The following ZC3H3 variants were observed in gnomAD, a reference collection of about 807,000 sequenced individuals.
ZC3H3 encodes the protein zinc finger CCCH-type containing 3, also known as zinc finger CCCH domain-containing protein 3.
Under a neutral mutation model 77.3 loss-of-function variants are expected in ZC3H3, and 36 were observed. The ratio of observed to expected loss-of-function variants is 0.47; its 90% CI spans 0.36 to 0.61. The LOEUF (loss-of-function observed/expected upper bound fraction) is 0.61. Among genes scored for constraint, ZC3H3 ranks in the 20% least tolerant of loss-of-function variants. The pLI, the probability that ZC3H3 is intolerant of heterozygous loss-of-function variation, is 0.00. For missense variants in ZC3H3, 1,331 were observed against 1,312.2 expected (o/e 1.01, Z -0.22); for synonymous variants, 626 against 555.2 (o/e 1.13, Z -1.79).
chr8:143,444,557 T>C (rs959690644), intron 9 of ZC3H3, among the ~76,000 whole-genome samples: 1 of 152,210 alleles, frequency 6.6e-6, no homozygotes, highest in African/African-American at 2.4e-5. Context: ...CAAGGTTGGT[T>C]TAATATTAGA....
At chr8:143,537,179 G>GA (rs1483581129) in intron 2 of ZC3H3, among the ~76,000 whole-genome samples, 1 of 152,224 alleles carries the variant, frequency 6.6e-6, no homozygotes, top group Non-Finnish European at 1.5e-5. Context: ...ACTGTGCCAT[G>GA]ACACCATCTC....
intron 4 of ZC3H3, among the ~76,000 whole-genome samples, chr8:143,478,282 C>A (rs540808058): frequency 2.5e-4 from 38 of 152,320 alleles, no homozygotes; most frequent in African/African-American, 8.4e-4. Context: ...CAAAGGCACC[C>A]GGATGGAGGG....
intron 11 of ZC3H3, among the ~76,000 whole-genome samples, chr8:143,439,213 G>A (rs1203870600): frequency 1.3e-5 from 2 of 152,198 alleles, no homozygotes; most frequent in African/African-American, 2.4e-5. Context: ...TCGTGGGGCG[G>A]AGGGTCTGGC....
chr8:143,461,307 G>A (rs572742769), intron 9 of ZC3H3, among the ~76,000 whole-genome samples: 15 of 152,270 alleles, frequency 9.9e-5, no homozygotes, highest in African/African-American at 2.4e-4. Flanking sequence ...CCAGGGATAC[G>A]GCACGCCACG....
intron 5 of ZC3H3, among the ~76,000 whole-genome samples, chr8:143,474,983 C>G (rs974881004): frequency 6.6e-6 from 1 of 152,186 alleles, no homozygotes; most frequent in East Asian, 1.9e-4. Flanking sequence ...TTTCCAAAAG[C>G]GAAACATGGT....
At chr8:143,474,758 C>G (rs1318639922) in intron 5 of ZC3H3, among the ~76,000 whole-genome samples, 2 of 152,230 alleles carry the variant, frequency 1.3e-5, no homozygotes, top group Non-Finnish European at 2.9e-5. Context: ...TAAAATTGGA[C>G]TGAAACCAAA....
chr8:143,509,164 A>AC (rs1821798741), intron 3 of ZC3H3, among the ~76,000 whole-genome samples: 1 of 152,176 alleles, frequency 6.6e-6, no homozygotes. Context: ...CTTGGCCCCA[A>AC]CATGACATCA....
At chr8:143,461,228 A>G (rs1287476822) in intron 9 of ZC3H3, among the ~76,000 whole-genome samples, 2 of 152,222 alleles carry the variant, frequency 1.3e-5, no homozygotes, top group Non-Finnish European at 2.9e-5. Flanking sequence ...TCAAAAAAAG[A>G]TAGGAATGGC....
chr8:143,442,443 G>GGGGC, intron 9 of ZC3H3, among the ~76,000 whole-genome samples: 1 of 143,656 alleles, frequency 7.0e-6, no homozygotes, highest in East Asian at 2.5e-4. Context: ...GGGGGGGGGG[G>GGGGC]GGGGCAGGGG....
intron 3 of ZC3H3, chr8:143,523,604 G>GT: frequency 1.3e-5 from 12 of 917,470 alleles, no homozygotes; most frequent in Non-Finnish European, 1.6e-5. Context: ...CAGGACATCC[G>GT]TTTGAGGACC....
intron 3 of ZC3H3, among the ~76,000 whole-genome samples, chr8:143,520,890 G>A (rs752055920): frequency 1.1e-4 from 16 of 152,274 alleles, no homozygotes; most frequent in Non-Finnish European, 2.2e-4. Context: ...TCCCTGCCTC[G>A]TTGGCTGGTG....
chr8:143,528,858 C>T (rs1822505519), intron 3 of ZC3H3, among the ~76,000 whole-genome samples: 1 of 152,256 alleles, frequency 6.6e-6, no homozygotes, highest in Non-Finnish European at 1.5e-5. Flanking sequence ...TCACCCTCAC[C>T]AGGAGCTGCC....
chr8:143,478,324 C>T lies in ZC3H3; in HGVS notation c.1716-2739G>A, dbSNP rs544700941. Among the ~76,000 whole-genome samples, 124 of 152,316 alleles carry T rather than the reference C, an allele frequency of 8.1e-4. 2 individuals carry two copies. The Middle Eastern group carries it at 0.017, about 21-fold the overall frequency. ...CCGGGCTGCAGCACTTGCTCCCCTC[C>T]CCCAGGGGCAGCCACAGCTGGCCAG... On this transcript the variant is annotated intron_variant, in intron 4 of 11. Transcript: ENST00000262577.
rs550202930 is a variant in ZC3H3 at position 143,507,882 on chromosome 8, C to G, written c.1579G>C (p.Val527Leu). ...PTKEASSLHA[V>L]RTAPTSKVIK... ...ACCTTGCTGGTGGGTGCAGTCCGCA[C>G]GGCATGCAGGCTGGACGCTGTAGAG... Residue 527 changes from valine (V) to leucine (L), a missense_variant, in exon 4 of 12, where the codon GTG (valine) becomes CTG (leucine). Physicochemically the swap from Val to Leu is conservative, Grantham distance 32. Coordinates refer to ENST00000262577, the MANE Select transcript of ZC3H3 (RefSeq NM_015117.3). 2.5e-6 allele frequency: 4 copies of G among 1,601,238 alleles called. No individual in the cohort carries two copies. Among genetic ancestry groups the G allele is most frequent in the East Asian group, 2.3e-5 (1 of 43,964 alleles).
intron 9 of ZC3H3, among the ~76,000 whole-genome samples, chr8:143,464,759 G>T (rs1334998607): frequency 6.6e-6 from 1 of 152,164 alleles, no homozygotes; most frequent in Non-Finnish European, 1.5e-5. Flanking sequence ...CCGTGCTGCA[G>T]GCCCCGGGGC....
chr8:143,477,960 C>T (rs1025879854), intron 4 of ZC3H3, among the ~76,000 whole-genome samples: 4 of 152,118 alleles, frequency 2.6e-5, no homozygotes, highest in Admixed American at 6.5e-5. Context: ...CCGGGAGCCC[C>T]CAGCTCCCTG....
intron 9 of ZC3H3, among the ~76,000 whole-genome samples, chr8:143,464,041 T>G (rs1160335478): frequency 6.6e-6 from 1 of 152,268 alleles, no homozygotes; most frequent in Non-Finnish European, 1.5e-5. Flanking sequence ...GGACTTCTAC[T>G]TCAGGCGCAA....
intron 5 of ZC3H3, among the ~76,000 whole-genome samples, chr8:143,470,141 G>A (rs1200565882): frequency 6.6e-6 from 1 of 152,142 alleles, no homozygotes; most frequent in Admixed American, 6.5e-5. Context: ...CCCACTCCTC[G>A]CTTTGTGCTT....
intron 8 of ZC3H3, among the ~76,000 whole-genome samples, chr8:143,467,721 G>T (rs1442864905): frequency 6.6e-6 from 1 of 152,164 alleles, no homozygotes; most frequent in Non-Finnish European, 1.5e-5. Context: ...TTCAGGCCGC[G>T]GGGACAACCA....
Sources: allele counts gnomAD v4.1 joint callset (sites outside exome capture counted in the v4.1 genomes callset), GRCh38; gene constraint gnomAD v4.1.1; transcripts MANE v1.5; gene names NCBI Gene and HGNC (gene_info 2026-07-23, HGNC 2026-07-21).